KCNIP4: variants seen among roughly 807,000 people sequenced by gnomAD.
The protein encoded by KCNIP4 is Kv channel-interacting protein 4.
A neutral mutation model predicts 34.0 loss-of-function variants in KCNIP4; 12 were observed. The observed-to-expected ratio is 0.35, with a 90% CI of 0.23 to 0.57. The LOEUF (loss-of-function observed/expected upper bound fraction) is 0.57. KCNIP4 is among the 20% of genes least tolerant of loss of function. KCNIP4 has a pLI of 0.83. For missense variants in KCNIP4, 238 were observed against 311.7 expected (o/e 0.76, Z 1.78); for synonymous variants, 124 against 102.2 (o/e 1.21, Z -1.29).
intron 1 of KCNIP4, among the ~76,000 whole-genome samples, chr4:21,411,089 G>A (rs1040878577): frequency 2.6e-5 from 4 of 152,122 alleles, no homozygotes; most frequent in Non-Finnish European, 5.9e-5. Flanking sequence ...CACATTTTTT[G>A]AGCTAGAGTG....
chr4:21,771,757 T>G (rs1718808678), intron 1 of KCNIP4, among the ~76,000 whole-genome samples: 1 of 152,214 alleles, frequency 6.6e-6, no homozygotes, highest in South Asian at 2.1e-4. Context: ...GGAATGCTTG[T>G]GATTTTTGCA....
In KCNIP4 at chr4:21,096,272, A is replaced by G. The variant is rs149066342; in HGVS notation, c.62-213563T>C. 2.3e-4 allele frequency among the ~76,000 whole-genome samples: 35 copies of G among 152,256 alleles called. No homozygotes were observed. In the East Asian group the frequency reaches 4.8e-3, roughly 21 times the overall value. On this transcript the variant is annotated intron_variant, in intron 1 of 8. Transcript: ENST00000382152. ...GTTAGAGCCACTCCATCTTTGCTCT[A>G]TTTCACTTGCATAGAAAAAAAATTC...
At chr4:21,342,289 C>A (rs935148736) in intron 1 of KCNIP4, among the ~76,000 whole-genome samples, 1 of 152,026 alleles carries the variant, frequency 6.6e-6, no homozygotes, top group Non-Finnish European at 1.5e-5. Flanking sequence ...GAAAGAGAGA[C>A]AAAAGAATAG....
chr4:21,123,190 A>G (rs998420729), intron 1 of KCNIP4, among the ~76,000 whole-genome samples: 4 of 143,316 alleles, frequency 2.8e-5, no homozygotes, highest in Admixed American at 7.1e-5. Flanking sequence ...CTCCAGCCTG[A>G]ACGACAGAGC....
intron 1 of KCNIP4, among the ~76,000 whole-genome samples, chr4:21,913,854 G>T (rs1728480415): frequency 6.6e-6 from 1 of 152,096 alleles, no homozygotes; most frequent in South Asian, 2.1e-4. Context: ...GCCTGGGGAG[G>T]GAATGAAGAC....
intron 1 of KCNIP4, among the ~76,000 whole-genome samples, chr4:21,248,017 GAT>G (rs1272081291): frequency 2.9e-5 from 4 of 139,458 alleles, no homozygotes; most frequent in Admixed American, 7.5e-5. Context: ...CCCACAGGTG[GAT>G]ATATATATAT....
chr4:21,132,106 T>C (rs1300629849), intron 1 of KCNIP4, among the ~76,000 whole-genome samples: 1 of 152,218 alleles, frequency 6.6e-6, no homozygotes, highest in East Asian at 1.9e-4. Context: ...AAATAAATAA[T>C]TTAAAATGTG....
intron 1 of KCNIP4, among the ~76,000 whole-genome samples, chr4:21,710,286 G>A (rs992280929): frequency 1.3e-5 from 2 of 151,982 alleles, no homozygotes; most frequent in African/African-American, 2.4e-5. Context: ...GTCTGAGGAC[G>A]ACCACACTCA....
intron 1 of KCNIP4, among the ~76,000 whole-genome samples, chr4:21,825,213 T>G (rs937742472): frequency 2.0e-5 from 3 of 151,836 alleles, no homozygotes; most frequent in Admixed American, 6.6e-5. Context: ...CTGAGAGATG[T>G]GACCAATGCA....
chr4:20,849,661 T>C (rs1037530594), intron 3 of KCNIP4, among the ~76,000 whole-genome samples: 1 of 152,170 alleles, frequency 6.6e-6, no homozygotes, highest in African/African-American at 2.4e-5. Context: ...AGCAATTTAA[T>C]TTGGATCTCC....
At chr4:21,592,550 T>C (rs939957362) in intron 1 of KCNIP4, among the ~76,000 whole-genome samples, 1 of 152,078 alleles carries the variant, frequency 6.6e-6, no homozygotes, top group East Asian at 1.9e-4. Flanking sequence ...ACAGGTACTT[T>C]GGCTTCTTGA....
intron 1 of KCNIP4, among the ~76,000 whole-genome samples, chr4:21,235,527 C>T (rs1759294710): frequency 6.6e-6 from 1 of 152,296 alleles, no homozygotes; most frequent in East Asian, 1.9e-4. Flanking sequence ...GTGTTCAAGT[C>T]CTCATCAAAC....
intron 1 of KCNIP4, among the ~76,000 whole-genome samples, chr4:21,276,723 AT>A (rs904719383): frequency 7.9e-5 from 12 of 152,042 alleles, no homozygotes; most frequent in African/African-American, 2.2e-4. Flanking sequence ...ACAGTGGCCC[AT>A]CTATAAACTT....
intron 1 of KCNIP4, among the ~76,000 whole-genome samples, chr4:21,350,856 A>G (rs1717941807): frequency 6.6e-6 from 1 of 152,190 alleles, no homozygotes; most frequent in African/African-American, 2.4e-5. Flanking sequence ...TATTATTTAG[A>G]CATCTAGTTT....
At chr4:21,865,141 T>C in intron 1 of KCNIP4, among the ~76,000 whole-genome samples, 1 of 151,836 alleles carries the variant, frequency 6.6e-6, no homozygotes, top group Non-Finnish European at 1.5e-5. Context: ...AAAAAGCTAA[T>C]TGATGAGAAG....
intron 1 of KCNIP4, among the ~76,000 whole-genome samples, chr4:20,971,654 A>G (rs968782341): frequency 1.5e-4 from 23 of 152,242 alleles, no homozygotes; most frequent in Admixed American, 1.0e-3. Flanking sequence ...ATTAGCAAGT[A>G]TAATATTTTT....
intron 1 of KCNIP4, among the ~76,000 whole-genome samples, chr4:20,895,670 T>C (rs926142475): frequency 2.6e-5 from 4 of 152,202 alleles, no homozygotes; most frequent in African/African-American, 4.8e-5. Flanking sequence ...ATTTATTGGA[T>C]ATAAGGTAGA....
chr4:21,380,723 A>G (rs977808660), intron 1 of KCNIP4, among the ~76,000 whole-genome samples: 1 of 152,022 alleles, frequency 6.6e-6, no homozygotes, highest in Non-Finnish European at 1.5e-5. Flanking sequence ...TTAACTACTT[A>G]CTACTCACCA....
chr4:21,190,849 ACT>A lies in KCNIP4; in HGVS notation c.62-308142_62-308141del, dbSNP rs141552009. ...ATTTAGATGGCGCAGCTGCTCTGAC[ACT>A]CTGCTCCCAGCTTTTATTTCTGAGT... On this transcript the variant is annotated intron_variant, in intron 1 of 8. Transcript: ENST00000382152. Among the ~76,000 whole-genome samples the A allele has an allele frequency of 8.3e-3, 1,268 of 152,242 alleles. 30 individuals are homozygous for A. The highest frequency in any genetic ancestry group is 0.029 in the African/African-American group (1,199 of 41,538).
Sources: gnomAD v4.1 joint callset for allele counts (sites outside exome capture counted in the v4.1 genomes callset) on GRCh38, gnomAD v4.1.1 for gene constraint, MANE v1.5 for transcripts, NCBI Gene and HGNC (gene_info 2026-07-23, HGNC 2026-07-21) for gene names.